CHST15: variants seen among roughly 807,000 people sequenced by gnomAD.
CHST15 encodes the protein carbohydrate sulfotransferase 15, also known as B cell RAG associated protein (GALNAC4S-6ST).
Under a neutral mutation model 53.6 loss-of-function variants are expected in CHST15, and 30 were observed. That is an observed-to-expected ratio of 0.56 (90% CI 0.42 to 0.76). The LOEUF is 0.76. CHST15 is among the 30% of genes least tolerant of loss of function. The pLI is 0.00. For synonymous variants in CHST15, 296 were observed against 289.8 expected (o/e 1.02, Z -0.22); for missense variants, 627 against 740.5 (o/e 0.85, Z 1.78).
At chr10:124,027,038 C>A (rs1656218308) in intron 5 of CHST15, among the ~76,000 whole-genome samples, 2 of 152,174 alleles carry the variant, frequency 1.3e-5, no homozygotes, top group African/African-American at 4.8e-5. Flanking sequence ...AGCTGAGCCA[C>A]CTCATTTTCT....
chr10:124,020,625 GC>G (rs1946743792), intron 6 of CHST15: 1 of 987,914 alleles, frequency 1.0e-6, no homozygotes, highest in African/African-American at 1.7e-5. Context: ...GGAACACGCA[GC>G]GGCAATGCTC....
intron 3 of CHST15, among the ~76,000 whole-genome samples, chr10:124,043,218 G>A (rs1947806802): frequency 6.6e-6 from 1 of 152,262 alleles, no homozygotes; most frequent in South Asian, 2.1e-4. Context: ...GATTCCAGAG[G>A]CCCGCCTCTG....
At chr10:124,085,673 G>A (rs1031106887) in intron 1 of CHST15, among the ~76,000 whole-genome samples, 1 of 152,224 alleles carries the variant, frequency 6.6e-6, no homozygotes, top group South Asian at 2.1e-4. Flanking sequence ...GGCTGGGAGA[G>A]CAGACTGCAC....
At position 124,038,344 on chromosome 10, in the gene CHST15, G is replaced by A. The variant is rs555586832; in HGVS notation, c.1190+171C>T. On this transcript the variant is annotated intron_variant, in intron 5 of 7. Transcript: ENST00000435907. ...TGGTCTTGAACTCCTGACCTCAGGC[G>A]ATCCACCCACCCCGGCCTCCCAAAG... 5.7e-4 allele frequency among the ~76,000 whole-genome samples: 86 copies of A among 152,192 alleles called. 1 individual carries two copies. In the South Asian group the frequency reaches 7.1e-3, roughly 12 times the overall value.
chr10:124,079,088 A>G (rs924149243), intron 1 of CHST15, among the ~76,000 whole-genome samples: 6 of 152,244 alleles, frequency 3.9e-5, no homozygotes, highest in African/African-American at 1.4e-4. Flanking sequence ...GAGATGCTGA[A>G]TGAACAACTG....
rs114608029 is a variant in CHST15 at position 124,078,572 on chromosome 10, C to A, written c.-513+14897G>T. On this transcript the variant is annotated intron_variant, in intron 1 of 7. Coordinates refer to ENST00000435907, the MANE Select transcript of CHST15 (RefSeq NM_001270764.2). ...AGGTAGAAGGTCACCTCTGTGCACC[C>A]ATCAGAGACGATGCACCCATAGAGC... Among the ~76,000 whole-genome samples the A allele has an allele frequency of 3.5e-3, 534 of 152,280 alleles. 1 individual carries two copies. Among genetic ancestry groups the A allele is most frequent in the African/African-American group, 0.012 (500 of 41,560 alleles).
chr10:124,038,849 C>T (rs1023774263), intron 4 of CHST15, among the ~76,000 whole-genome samples, 178 bp from the exon 5 acceptor site: 2 of 151,856 alleles, frequency 1.3e-5, no homozygotes, highest in African/African-American at 2.4e-5. Flanking sequence ...GATGCCCCCC[C>T]CTGCCACAGC....
intron 6 of CHST15, among the ~76,000 whole-genome samples, chr10:124,014,509 C>T (rs950213715): frequency 2.0e-5 from 3 of 152,132 alleles, no homozygotes; most frequent in Non-Finnish European, 2.9e-5. Context: ...CAAGCTGGGC[C>T]GAAACTAAAG....
intron 2 of CHST15, among the ~76,000 whole-genome samples, chr10:124,045,124 A>ACAAAAC (rs1564882030): frequency 7.9e-5 from 6 of 76,074 alleles, no homozygotes; most frequent in Admixed American, 1.4e-4. Flanking sequence ...AAAAAAAAAA[A>ACAAAAC]AAAAAAAAAA....
Position 124,008,341 on chromosome 10 carries a change from G to C in CHST15, c.*1808C>G. On this transcript the variant is annotated 3_prime_UTR_variant, in exon 8 of 8. Coordinates refer to ENST00000435907, the MANE Select transcript of CHST15 (RefSeq NM_001270764.2). ...AGAAGACGCACTCACCCACACGTGC[G>C]CGTACACACACACACACGCGCGCAC... The C allele has an allele frequency of 9.3e-7, 1 of 1,071,434 alleles. No homozygotes were observed. The highest frequency in any genetic ancestry group is 1.1e-6 in the Non-Finnish European group (1 of 889,426). 66.4% of individuals were successfully genotyped at this position (1,071,434 alleles called of 1,614,324 possible). A position where few individuals can be genotyped will look rare whatever the true frequency, so the allele number is the denominator to read the frequency against.
rs561712971 is a variant in CHST15, at chr10:124,070,442, G to C, written c.-513+23027C>G. ...TCACCAGGCTGGAGTGCAGTGGCTC[G>C]ATCTCGGCTCACTGCAACCTCTGCC... On this transcript the variant is annotated intron_variant, in intron 1 of 7. Coordinates refer to ENST00000435907, the MANE Select transcript of CHST15 (RefSeq NM_001270764.2). Among the ~76,000 whole-genome samples the C allele has an allele frequency of 3.3e-4, 50 of 152,134 alleles. 1 individual carries two copies. The highest frequency in any genetic ancestry group is 6.6e-4 in the Non-Finnish European group (45 of 68,026).
rs1946355331 is a variant in CHST15, at chr10:124,009,570, G to GA, written c.*578dup. 1.0e-6 allele frequency: 1 copy of GA among 988,760 alleles called. No individual in the cohort carries two copies. Among genetic ancestry groups the GA allele is most frequent in the African/African-American group, 1.7e-5 (1 of 57,348 alleles). 61.2% of individuals were successfully genotyped at this position (988,760 alleles called of 1,614,324 possible). On this transcript the variant is annotated 3_prime_UTR_variant, in exon 8 of 8. Transcript: ENST00000435907. Reference sequence around the variant, plus strand: ...AAAAAAATGAAGAGCCTCCATTCTCGAAAGACTGCGGTTCTCTGTCCCAGT... The same window carrying GA: ...AAAAAAATGAAGAGCCTCCATTCTCGAAAAGACTGCGGTTCTCTGTCCCAGT...
At chr10:124,059,702 T>C (rs1383480587) in intron 1 of CHST15, among the ~76,000 whole-genome samples, 5 of 152,042 alleles carry the variant, frequency 3.3e-5, no homozygotes, top group Non-Finnish European at 5.9e-5. Flanking sequence ...CTAGAATGAA[T>C]CCATTACAGG....
chr10:124,045,070 TAGA>T, intron 2 of CHST15, 151 bp from the exon 3 acceptor site: 1 of 303,354 alleles, frequency 3.3e-6, no homozygotes. Flanking sequence ...CAAAACTTGG[TAGA>T]CGGTCAATGA....
chr10:124,009,935 G>A lies in CHST15; in HGVS notation c.*214C>T. The A allele has an allele frequency of 7.2e-7, 1 of 1,394,536 alleles. No homozygotes were observed. Among genetic ancestry groups the A allele is most frequent in the Non-Finnish European group, 9.3e-7 (1 of 1,076,296 alleles). 86.4% of individuals were successfully genotyped at this position (1,394,536 alleles called of 1,614,324 possible). On this transcript the variant is annotated 3_prime_UTR_variant, in exon 8 of 8. Coordinates refer to ENST00000435907, the MANE Select transcript of CHST15 (RefSeq NM_001270764.2). ...TTCTTGAGAAACTGGGGTCTCCAAT[G>A]GCCTCGGATAGAGGAGCTCTGTGAG...
chr10:124,066,876 T>G (rs1948765155), intron 1 of CHST15, among the ~76,000 whole-genome samples: 1 of 152,242 alleles, frequency 6.6e-6, no homozygotes, highest in Non-Finnish European at 1.5e-5. Context: ...CTTTCTGAGA[T>G]GAAGCCAGCA....
intron 1 of CHST15, among the ~76,000 whole-genome samples, chr10:124,066,598 G>C (rs1170331762): frequency 1.3e-5 from 2 of 152,236 alleles, no homozygotes; most frequent in Non-Finnish European, 2.9e-5. Context: ...GGTTGACTTA[G>C]TTTTTCTGAG....
At position 124,044,874 on chromosome 10, in the gene CHST15, G is replaced by C. The variant is rs754701134; in HGVS notation, c.592C>G (p.Pro198Ala). ...CCCGAGAACTCCTCGTACCAACAGG[G>C]GCTCTTACTGTTTGGAAGGAATTTG... Reference protein sequence around the residue: ...PNKFLPNSKSPCWYEEFSGQN... With the variant: ...PNKFLPNSKSACWYEEFSGQN... The change falls in exon 3 of 8, where the codon CCC becomes GCC. Residue 198 changes from proline (P) to alanine (A), a missense_variant. By Grantham distance (27) the Pro-to-Ala change is conservative (BLOSUM62 -1). This residue lies in a region of CHST15 where 187 missense variants were observed against 251.8 expected (regional missense o/e 0.74). Transcript: ENST00000435907. The C allele has an allele frequency of 6.8e-7, 1 of 1,465,758 alleles. No individual in the cohort carries two copies. The allele number at this position is 1,465,758 out of a possible 1,614,324, so 90.8% of individuals were successfully genotyped here.
intron 1 of CHST15, among the ~76,000 whole-genome samples, chr10:124,090,414 A>C (rs1949569579): frequency 6.6e-6 from 1 of 152,094 alleles, no homozygotes; most frequent in African/African-American, 2.4e-5. Flanking sequence ...CTTCCAGCCG[A>C]ACTCGAAATG....
Sources: gnomAD v4.1 joint callset for allele counts (sites outside exome capture counted in the v4.1 genomes callset) on GRCh38, gnomAD v4.1.1 for gene constraint, gnomAD v4.1.1 regional missense constraint, MANE v1.5 for transcripts, NCBI Gene and HGNC (gene_info 2026-07-23, HGNC 2026-07-21) for gene names.